The following TENM2 variants were observed in gnomAD, a reference collection of about 807,000 sequenced individuals.
TENM2 encodes teneurin transmembrane protein 2, also known as teneurin-2.
In TENM2, 52 loss-of-function variants were observed where a neutral mutation model predicts 245.2. The ratio of observed to expected loss-of-function variants is 0.21; its 90% CI spans 0.17 to 0.27. TENM2 has a LOEUF of 0.27. Ranked by LOEUF, TENM2 falls within the 10% of genes least tolerant of loss-of-function variation. The pLI is 1.00. For synonymous variants in TENM2, 1,363 were observed against 1,438.9 expected (o/e 0.95, Z 1.19); for missense variants, 3,046 against 3,666.8 (o/e 0.83, Z 4.37).
chr5:167,513,599 G>T (rs1169204765), intron 2 of TENM2, among the ~76,000 whole-genome samples: 1 of 152,136 alleles, frequency 6.6e-6, no homozygotes, highest in East Asian at 1.9e-4. Flanking sequence ...GGATCCGCTG[G>T]AATAGCCACT....
chr5:167,260,661 G>A, the TENM2 span, among the ~76,000 whole-genome samples: 1 of 152,218 alleles, frequency 6.6e-6, no homozygotes, highest in African/African-American at 2.4e-5. Flanking sequence ...GCTAGGCACT[G>A]TGGAAGACAG....
intron 5 of TENM2, among the ~76,000 whole-genome samples, chr5:168,020,437 G>A (rs1159299891): frequency 6.6e-6 from 1 of 152,190 alleles, no homozygotes; most frequent in Non-Finnish European, 1.5e-5. Context: ...ACATGCTCCT[G>A]CAAGGCATTT....
At chr5:168,190,726 G>A in intron 14 of TENM2, 179 bp downstream of exon 16, 1 of 581,318 alleles carries the variant, frequency 1.7e-6, no homozygotes, top group Non-Finnish European at 3.1e-6. Flanking sequence ...TTGGGCTCCA[G>A]AACAGAGCCC....
At chr5:167,579,373 A>T (rs1032286273) in intron 2 of TENM2, among the ~76,000 whole-genome samples, 14 of 152,214 alleles carry the variant, frequency 9.2e-5, no homozygotes, top group African/African-American at 3.4e-4. Flanking sequence ...AATCCATAAC[A>T]TACACATTTT....
At chr5:168,263,576 G>T (rs1195697970), downstream of TENM2, 1 of 152,638 alleles carries the variant, frequency 6.6e-6, no homozygotes, top group South Asian at 2.1e-4. Flanking sequence ...TCCCAACTAA[G>T]TCTGGCCTGA....
chr5:167,008,412 T>G, the TENM2 span, among the ~76,000 whole-genome samples: 2 of 152,202 alleles, frequency 1.3e-5, no homozygotes, highest in Non-Finnish European at 2.9e-5. Flanking sequence ...TGTGTCTGCC[T>G]GTTTTCCTAC....
chr5:167,935,869 C>T (rs1026973764), intron 3 of TENM2, among the ~76,000 whole-genome samples: 2 of 152,104 alleles, frequency 1.3e-5, no homozygotes, highest in African/African-American at 4.8e-5. Flanking sequence ...GCTGTGCCAT[C>T]GCATTAAACA....
At chr5:167,210,046 A>T in the TENM2 span, among the ~76,000 whole-genome samples, 2 of 152,240 alleles carry the variant, frequency 1.3e-5, no homozygotes, top group African/African-American at 2.4e-5. Flanking sequence ...AACAGGATAG[A>T]TTCAAATAGA....
chr5:168,230,225 T>TTTAA (rs1764727411), intron 25 of TENM2, among the ~76,000 whole-genome samples: 1 of 152,226 alleles, frequency 6.6e-6, no homozygotes, highest in South Asian at 2.1e-4. Context: ...CACCTCAACA[T>TTTAA]TTAATTGTCT....
chr5:167,617,574 G>C (rs1488014023), intron 2 of TENM2, among the ~76,000 whole-genome samples: 1 of 152,122 alleles, frequency 6.6e-6, no homozygotes, highest in Non-Finnish European at 1.5e-5. Flanking sequence ...ACATTCAGAT[G>C]TCACCAGCCT....
At chr5:167,259,520 A>G in the TENM2 span, among the ~76,000 whole-genome samples, 1 of 152,198 alleles carries the variant, frequency 6.6e-6, no homozygotes, top group Non-Finnish European at 1.5e-5. Context: ...TCCAATGGGC[A>G]AATGGTAACT....
At chr5:167,532,945 CAT>C (rs1416916053) in intron 2 of TENM2, among the ~76,000 whole-genome samples, 1 of 151,606 alleles carries the variant, frequency 6.6e-6, no homozygotes, top group East Asian at 2.0e-4. Context: ...CCAGTAGAAA[CAT>C]AGAATATGTA....
chr5:167,065,759 T>G, the TENM2 span, among the ~76,000 whole-genome samples: 1 of 152,166 alleles, frequency 6.6e-6, no homozygotes, highest in Non-Finnish European at 1.5e-5. Flanking sequence ...GATCCAGAAG[T>G]GTTTATTCAT....
chr5:167,232,877 C>T, the TENM2 span, among the ~76,000 whole-genome samples: 1 of 152,192 alleles, frequency 6.6e-6, no homozygotes, highest in African/African-American at 2.4e-5. Context: ...TAACGGCTGT[C>T]CTTTATTGCA....
intron 9 of TENM2, among the ~76,000 whole-genome samples, chr5:168,112,606 C>CGGGGGGGG: frequency 1.6e-5 from 1 of 64,114 alleles, no homozygotes; most frequent in African/African-American, 5.7e-5. Flanking sequence ...GTGCAGTGGG[C>CGGGGGGGG]GGGGGGGGGG....
At chr5:167,211,884 C>A in the TENM2 span, among the ~76,000 whole-genome samples, 1 of 152,064 alleles carries the variant, frequency 6.6e-6, no homozygotes, top group African/African-American at 2.4e-5. Context: ...TTGCTAAGAA[C>A]TTTACATCTT....
chr5:167,172,090 G>A, the TENM2 span, among the ~76,000 whole-genome samples: 2 of 152,286 alleles, frequency 1.3e-5, no homozygotes, highest in African/African-American at 4.8e-5. Context: ...AAGCCATCGT[G>A]TCTTCTCCAA....
At chr5:167,531,576 T>C (rs570314128) in intron 2 of TENM2, among the ~76,000 whole-genome samples, 37 of 152,180 alleles carry the variant, frequency 2.4e-4, no homozygotes, top group Admixed American at 7.2e-4. Flanking sequence ...GTACAATATA[T>C]TTCCAGAACT....
At chr5:167,343,658 G>A (rs1758262325) in intron 1 of TENM2, among the ~76,000 whole-genome samples, 1 of 152,150 alleles carries the variant, frequency 6.6e-6, no homozygotes, top group African/African-American at 2.4e-5. Flanking sequence ...AAATCAAACT[G>A]TAATTGATAA....
Sources: allele counts gnomAD v4.1 joint callset (sites outside exome capture counted in the v4.1 genomes callset), GRCh38; gene constraint gnomAD v4.1.1; transcripts MANE v1.5; gene names NCBI Gene and HGNC (gene_info 2026-07-23, HGNC 2026-07-21).